GMDS: variants seen among roughly 807,000 people sequenced by gnomAD.
GMDS encodes GDP-mannose 4,6 dehydratase.
GMDS carries 20 observed loss-of-function variants against 49.9 expected under a neutral mutation model. That is an observed-to-expected ratio of 0.40 (90% CI 0.28 to 0.58). The LOEUF (loss-of-function observed/expected upper bound fraction) is 0.58. Ranked by LOEUF, GMDS falls within the 20% of genes least tolerant of loss-of-function variation. The pLI is 0.42. For synonymous variants in GMDS, 177 were observed against 178.6 expected (o/e 0.99, Z 0.07); for missense variants, 362 against 481.4 (o/e 0.75, Z 2.32).
intron 7 of GMDS, among the ~76,000 whole-genome samples, chr6:1,765,619 T>A (rs1045846854): frequency 1.3e-5 from 2 of 152,192 alleles, no homozygotes; most frequent in Non-Finnish European, 2.9e-5. Flanking sequence ...AGGACTGACC[T>A]GCAACAGGGT....
chr6:2,065,187 C>T (rs530646619), intron 4 of GMDS, among the ~76,000 whole-genome samples: 248 of 152,238 alleles, frequency 1.6e-3, no homozygotes, highest in African/African-American at 5.1e-3. Flanking sequence ...CAGCCTGGTA[C>T]TCCAACAGAC....
At chr6:1,627,567 A>G (rs1366327714) in intron 9 of GMDS, among the ~76,000 whole-genome samples, 1 of 152,170 alleles carries the variant, frequency 6.6e-6, no homozygotes, top group African/African-American at 2.4e-5. Context: ...ATCCCCTCCA[A>G]TAGGGTATAA....
At chr6:1,718,672 T>C (rs1766261503) in intron 9 of GMDS, among the ~76,000 whole-genome samples, 1 of 152,198 alleles carries the variant, frequency 6.6e-6, no homozygotes, top group Middle Eastern at 3.4e-3. Flanking sequence ...AATTTCTTGG[T>C]GTTAGACTGG....
chr6:1,722,248 A>ATT (rs1766411716), intron 9 of GMDS, among the ~76,000 whole-genome samples: 1 of 91,060 alleles, frequency 1.1e-5, no homozygotes, highest in East Asian at 3.4e-4. Context: ...TATTATTAGT[A>ATT]GTAGTAGTAG....
At chr6:2,050,713 G>T (rs1770338175) in intron 4 of GMDS, among the ~76,000 whole-genome samples, 1 of 152,142 alleles carries the variant, frequency 6.6e-6, no homozygotes, top group African/African-American at 2.4e-5. Context: ...GGGATGCAAG[G>T]CTGGTTCAAC....
At chr6:1,724,841 G>C (rs183324233) in intron 9 of GMDS, among the ~76,000 whole-genome samples, 2 of 152,230 alleles carry the variant, frequency 1.3e-5, no homozygotes, top group Admixed American at 1.3e-4. Flanking sequence ...ATTAGCACCG[G>C]GAACAATGGT....
chr6:1,765,602 T>C (rs968247428), intron 7 of GMDS, among the ~76,000 whole-genome samples: 7 of 152,184 alleles, frequency 4.6e-5, no homozygotes, highest in African/African-American at 1.7e-4. Flanking sequence ...AACTGAGACA[T>C]GCTTGGAGGA....
chr6:1,814,737 G>T (rs1023720297), intron 7 of GMDS, among the ~76,000 whole-genome samples: 1 of 151,936 alleles, frequency 6.6e-6, no homozygotes, highest in African/African-American at 2.4e-5. Context: ...ATATGTGTAC[G>T]TAAATATATA....
chr6:2,002,267 C>A (rs944364779), intron 4 of GMDS, among the ~76,000 whole-genome samples: 2 of 152,212 alleles, frequency 1.3e-5, no homozygotes, highest in African/African-American at 4.8e-5. Flanking sequence ...AAGACAGTGT[C>A]TCTGCCCTCA....
At chr6:1,625,126 A>T (rs543772192) in intron 9 of GMDS, 1 of 151,578 alleles carries the variant, frequency 6.6e-6, no homozygotes, top group Non-Finnish European at 1.5e-5. Context: ...CCTCTTTCTA[A>T]CGCGGCCGTG....
Position 2,157,778 on chromosome 6 carries a change from G to C in GMDS, c.103-33047C>G, listed in dbSNP as rs1380318947. Reference sequence around the variant, plus strand: ...TGAAAGAGAGCCACAGGAAAAAACAGGAATTTTAAAATTCCTTTATTACTC... The same window carrying C: ...TGAAAGAGAGCCACAGGAAAAAACACGAATTTTAAAATTCCTTTATTACTC... On this transcript the variant is annotated intron_variant, in intron 1 of 10. Coordinates refer to ENST00000380815, the MANE Select transcript of GMDS (RefSeq NM_001500.4). 2.6e-5 allele frequency among the ~76,000 whole-genome samples: 4 copies of C among 152,060 alleles called. No homozygotes were observed. In the East Asian group the frequency reaches 7.7e-4, roughly 29 times the overall value.
At chr6:1,948,858 A>G (rs924574117) in intron 6 of GMDS, among the ~76,000 whole-genome samples, 2 of 152,136 alleles carry the variant, frequency 1.3e-5, no homozygotes, top group African/African-American at 4.8e-5. Flanking sequence ...AATACTACTT[A>G]CATTTTATTT....
chr6:1,691,401 AT>A (rs1765168516), intron 9 of GMDS, among the ~76,000 whole-genome samples: 1 of 152,172 alleles, frequency 6.6e-6, no homozygotes, highest in African/African-American at 2.4e-5. Context: ...TAGCTAATGC[AT>A]GCTGGCCTTA....
chr6:2,133,457 T>C (rs1046760093), intron 1 of GMDS, among the ~76,000 whole-genome samples: 16 of 152,362 alleles, frequency 1.1e-4, no homozygotes, highest in African/African-American at 3.6e-4. Flanking sequence ...AATACTGCTG[T>C]TGGTTAAGCA....
intron 1 of GMDS, among the ~76,000 whole-genome samples, chr6:2,127,451 G>A (rs1216142402): frequency 1.3e-5 from 2 of 152,002 alleles, no homozygotes; most frequent in African/African-American, 2.4e-5. Flanking sequence ...AGATCCCTGA[G>A]GTGGCAAGAG....
intron 4 of GMDS, among the ~76,000 whole-genome samples, chr6:2,050,509 T>A (rs2127436219): frequency 6.6e-6 from 1 of 152,214 alleles, no homozygotes; most frequent in African/African-American, 2.4e-5. Flanking sequence ...AAAGAGGGAA[T>A]CCTCCCTAAC....
chr6:1,810,748 G>T (rs1046214050), intron 7 of GMDS, among the ~76,000 whole-genome samples: 2 of 152,194 alleles, frequency 1.3e-5, no homozygotes, highest in Non-Finnish European at 2.9e-5. Context: ...TAACCTTGCA[G>T]ACAAGCAGGC....
chr6:1,695,106 G>C (rs990606408), intron 9 of GMDS, among the ~76,000 whole-genome samples: 1 of 152,134 alleles, frequency 6.6e-6, no homozygotes, highest in Non-Finnish European at 1.5e-5. Flanking sequence ...GAGGATAAAA[G>C]TGTGAGGACG....
intron 7 of GMDS, among the ~76,000 whole-genome samples, chr6:1,781,140 C>T (rs764866804): frequency 6.6e-5 from 10 of 152,022 alleles, no homozygotes; most frequent in Admixed American, 1.3e-4. Flanking sequence ...TTAGAAAAAG[C>T]TCTTTGCTGA....
Sources: allele counts gnomAD v4.1 joint callset (sites outside exome capture counted in the v4.1 genomes callset), GRCh38; gene constraint gnomAD v4.1.1; transcripts MANE v1.5; gene names NCBI Gene and HGNC (gene_info 2026-07-23, HGNC 2026-07-21).